The following ROBO1 variants were observed in gnomAD, a reference collection of about 807,000 sequenced individuals.
The protein encoded by ROBO1 is roundabout guidance receptor 1, also known as roundabout homolog 1.
In ROBO1, 149 loss-of-function variants were observed where a neutral mutation model predicts 195.9. The ratio of observed to expected loss-of-function variants is 0.76; its 90% CI spans 0.67 to 0.87. The LOEUF (loss-of-function observed/expected upper bound fraction) is 0.87, where lower values mean the gene tolerates loss of function less well. Among genes scored for constraint, ROBO1 ranks in the 40% least tolerant of loss-of-function variants. ROBO1 has a pLI of 0.00. For synonymous variants in ROBO1, 816 were observed against 733.2 expected (o/e 1.11, Z -1.82); for missense variants, 1,933 against 2,068.3 (o/e 0.93, Z 1.27).
intron 1 of ROBO1, among the ~76,000 whole-genome samples, chr3:79,686,113 G>A (rs1947101182): frequency 6.6e-6 from 1 of 152,038 alleles, no homozygotes; most frequent in Non-Finnish European, 1.5e-5. Context: ...CAGAACCAAG[G>A]ACAAAAACCA....
intron 1 of ROBO1, among the ~76,000 whole-genome samples, chr3:79,755,675 CAA>C (rs1022574726): frequency 1.3e-5 from 2 of 151,366 alleles, no homozygotes; most frequent in African/African-American, 4.9e-5. Context: ...GAAAAAAAAA[CAA>C]GAGGATGTGA....
chr3:79,018,859 C>A (rs1365284447), intron 3 of ROBO1: 6 of 1,003,594 alleles, frequency 6.0e-6, no homozygotes, highest in Middle Eastern at 5.1e-4. Flanking sequence ...GGCGCGGCGG[C>A]GGCGGCAAAG....
At position 79,652,617 on chromosome 3, in the gene ROBO1, C is replaced by T. The variant is rs766829582; in HGVS notation, c.-50-62656G>A. On this transcript the variant is annotated intron_variant, in intron 1 of 30. Coordinates refer to ENST00000464233, the MANE Select transcript of ROBO1 (RefSeq NM_002941.4). Reference sequence around the variant, plus strand: ...AAGTCATTTAGCTCAGGCTTTGGCACATATTTTCTATGCAACAAATGTTAA... The same window carrying T: ...AAGTCATTTAGCTCAGGCTTTGGCATATATTTTCTATGCAACAAATGTTAA... 1.4e-4 allele frequency among the ~76,000 whole-genome samples: 22 copies of T among 151,998 alleles called. 1 individual carries two copies. Among genetic ancestry groups the T allele is most frequent in the Non-Finnish European group, 2.6e-4 (18 of 67,972 alleles).
intron 2 of ROBO1, among the ~76,000 whole-genome samples, chr3:79,395,340 A>AAAAAAAAAAAAAAG: frequency 8.4e-6 from 1 of 119,082 alleles, no homozygotes; most frequent in Non-Finnish European, 1.7e-5. Context: ...AAAAAAAAAA[A>AAAAAAAAAAAAAAG]AAAGAAAGAA....
At chr3:78,703,820 CACACAT>C in intron 8 of ROBO1, among the ~76,000 whole-genome samples, 1 of 102,780 alleles carries the variant, frequency 9.7e-6, no homozygotes, top group South Asian at 3.1e-4. Flanking sequence ...TTTACACACA[CACACAT>C]ATATATATAT....
At chr3:79,510,081 A>G (rs1940622306) in intron 2 of ROBO1, among the ~76,000 whole-genome samples, 2 of 152,154 alleles carry the variant, frequency 1.3e-5, no homozygotes, top group Non-Finnish European at 2.9e-5. Context: ...GTAATACTTA[A>G]GAATGTATAT....
chr3:79,010,789 T>C (rs1559588342), intron 3 of ROBO1, among the ~76,000 whole-genome samples: 1 of 152,188 alleles, frequency 6.6e-6, no homozygotes, highest in Non-Finnish European at 1.5e-5. Context: ...GTGTTCAATC[T>C]GAATTCATGG....
chr3:79,710,301 T>G (rs1702218436), intron 1 of ROBO1, among the ~76,000 whole-genome samples: 1 of 152,048 alleles, frequency 6.6e-6, no homozygotes, highest in Non-Finnish European at 1.5e-5. Context: ...AACCCACACC[T>G]GGACATCTTG....
chr3:78,884,866 C>CTGTGTG (rs376764608), intron 4 of ROBO1, among the ~76,000 whole-genome samples: 2,060 of 147,262 alleles, frequency 0.014, 16 homozygotes, highest in Non-Finnish European at 0.015. Flanking sequence ...CTCTCTCTTT[C>CTGTGTG]TGTGTGTGTG....
intron 2 of ROBO1, among the ~76,000 whole-genome samples, chr3:79,515,653 T>TATATAAA (rs1431796379): frequency 6.6e-6 from 1 of 152,232 alleles, no homozygotes; most frequent in Non-Finnish European, 1.5e-5. Context: ...TGTTGTACAA[T>TATATAAA]TTATATGTTC....
rs111450893 is a variant in ROBO1 at position 79,299,686 on chromosome 3, GA to G, written c.89-174148del. 7.7e-4 allele frequency among the ~76,000 whole-genome samples: 117 copies of G among 152,170 alleles called. 1 individual carries two copies. The highest frequency in any genetic ancestry group is 2.7e-3 in the African/African-American group (114 of 41,548). The stretch of plus-strand genomic sequence containing the variant: ...ATTGAGATAATTTATGAGAAAACAA[GA>G]CTTTTTAAAGCGTGTGTTGATGAAA... On this transcript the variant is annotated intron_variant, in intron 2 of 30. Coordinates refer to ENST00000464233, the MANE Select transcript of ROBO1 (RefSeq NM_002941.4).
intron 4 of ROBO1, among the ~76,000 whole-genome samples, chr3:78,764,459 T>C (rs1186860643): frequency 2.0e-5 from 3 of 152,132 alleles, no homozygotes; most frequent in Non-Finnish European, 4.4e-5. Flanking sequence ...ATTTTGAGAT[T>C]GAATTGAGAC....
chr3:79,134,685 A>G (rs1474302765), intron 2 of ROBO1, among the ~76,000 whole-genome samples: 18 of 93,354 alleles, frequency 1.9e-4, no homozygotes, highest in African/African-American at 7.5e-4. Flanking sequence ...TGGCACATAT[A>G]CACCATGGAA....
At chr3:78,986,840 G>A (rs1392955844) in intron 3 of ROBO1, among the ~76,000 whole-genome samples, 1 of 152,230 alleles carries the variant, frequency 6.6e-6, no homozygotes, top group Non-Finnish European at 1.5e-5. Context: ...ACTCAAAGCC[G>A]CTAATTATGC....
intron 2 of ROBO1, among the ~76,000 whole-genome samples, chr3:79,166,811 G>T (rs761131973): frequency 6.6e-6 from 1 of 151,820 alleles, no homozygotes; most frequent in East Asian, 1.9e-4. Context: ...TCGTTGATCC[G>T]CTATTTTTCT....
chr3:78,781,350 C>G lies in ROBO1; in HGVS notation c.500-34450G>C, dbSNP rs552111715. ...GCCAACTTCTTCATCTAGATTAACT[C>G]TAACATTTAATTCTATCTAGGTAGC... On this transcript the variant is annotated intron_variant, in intron 4 of 30. Transcript: ENST00000464233. Among the ~76,000 whole-genome samples the G allele has an allele frequency of 3.3e-5, 5 of 152,252 alleles. No homozygotes were observed. The East Asian group carries it at 7.7e-4, about 24-fold the overall frequency.
rs1426093876 is a variant in ROBO1 at position 78,600,208 on chromosome 3, G to T, written c.4846C>A (p.Gln1616Lys). The part of the protein sequence containing the change: ...SMSSRGSGSR[Q>K]REQANVGRRN... The stretch of plus-strand genomic sequence containing the variant: ...CGACCTACATTTGCTTGTTCTCTTT[G>T]TCTGCTTCCTGATCCTCTTGATGAC... The change falls in exon 30 of 31, where the codon CAA becomes AAA. Residue 1616 changes from glutamine (Q) to lysine (K), a missense_variant. Physicochemically the swap from Gln to Lys is moderately conservative, Grantham distance 53 (BLOSUM62 1). This residue lies in a region of ROBO1 where 1,737 missense variants were observed against 1,882.5 expected (regional missense o/e 0.92). Coordinates refer to ENST00000464233, the MANE Select transcript of ROBO1 (RefSeq NM_002941.4). 6 of 1,613,292 alleles carry T rather than the reference G, an allele frequency of 3.7e-6. No homozygotes were observed. Among genetic ancestry groups the T allele is most frequent in the Non-Finnish European group, 5.1e-6 (6 of 1,179,548 alleles).
chr3:79,703,933 G>A (rs1947693415), intron 1 of ROBO1, among the ~76,000 whole-genome samples: 1 of 151,866 alleles, frequency 6.6e-6, no homozygotes, highest in African/African-American at 2.4e-5. Flanking sequence ...GGTGTTTTGT[G>A]GCAGATATTT....
chr3:78,824,601 T>C (rs2031402988), intron 4 of ROBO1, among the ~76,000 whole-genome samples: 1 of 152,132 alleles, frequency 6.6e-6, no homozygotes, highest in South Asian at 2.1e-4. Flanking sequence ...CTTAAGAAAA[T>C]AAGTTTTGGA....
Sources: gnomAD v4.1 joint callset for allele counts (sites outside exome capture counted in the v4.1 genomes callset) on GRCh38, gnomAD v4.1.1 for gene constraint, gnomAD v4.1.1 regional missense constraint, MANE v1.5 for transcripts, NCBI Gene and HGNC (gene_info 2026-07-23, HGNC 2026-07-21) for gene names.